RUFY1: variants seen among roughly 807,000 people sequenced by gnomAD.
RUFY1 encodes the protein RUN and FYVE domain-containing protein 1.
In RUFY1, 54 loss-of-function variants were observed where a neutral mutation model predicts 94.6. The ratio of observed to expected loss-of-function variants is 0.57; its 90% CI spans 0.46 to 0.72. The LOEUF is 0.72. Among genes scored for constraint, RUFY1 ranks in the 30% least tolerant of loss-of-function variants. The probability of loss-of-function intolerance (pLI) is 0.00; values close to 1 mark genes in which losing one functional copy is unlikely to be tolerated. For synonymous variants in RUFY1, 396 were observed against 347.3 expected (o/e 1.14, Z -1.56); for missense variants, 883 against 883.9 (o/e 1.00, Z 0.01).
At chr5:179,598,913 G>T in intron 14 of RUFY1, 92 bp downstream of exon 14, 1 of 1,461,548 alleles carries the variant, frequency 6.8e-7, no homozygotes, top group Non-Finnish European at 9.4e-7. Context: ...CGCACCCTTT[G>T]TGTGGGGGCC....
chr5:179,557,859 ATTAC>A (rs1762184641), intron 1 of RUFY1, among the ~76,000 whole-genome samples: 4 of 152,058 alleles, frequency 2.6e-5, no homozygotes, highest in Admixed American at 2.0e-4. Context: ...CATGTTTTTG[ATTAC>A]TTAATCATCA....
chr5:179,561,640 A>G lies in RUFY1; in HGVS notation c.485-907A>G, dbSNP rs546004210. Among the ~76,000 whole-genome samples, 6 of 150,166 alleles carry G rather than the reference A, an allele frequency of 4.0e-5. No homozygotes were observed. In the East Asian group the frequency reaches 7.8e-4, roughly 20 times the overall value. The stretch of plus-strand genomic sequence containing the variant: ...AAGGAAAAAAAGGGGGAAGAATTTC[A>G]TAGTAGATGAGCCTATAAGGCAACT... On this transcript the variant is annotated intron_variant, in intron 2 of 17. Transcript: ENST00000319449.
chr5:179,580,241 G>GTGTGTA (rs149099074), intron 6 of RUFY1, among the ~76,000 whole-genome samples: 8 of 93,884 alleles, frequency 8.5e-5, no homozygotes, highest in African/African-American at 2.5e-4. Context: ...GTGTGTGTGT[G>GTGTGTA]TATATTTTTT....
chr5:179,597,243 G>GT lies in RUFY1; in HGVS notation c.1631+572dup, dbSNP rs1554123619. Among the ~76,000 whole-genome samples, 1,169 of 145,740 alleles carry GT rather than the reference G, an allele frequency of 8.0e-3. 13 individuals carry two copies. The highest frequency in any genetic ancestry group is 0.024 in the African/African-American group (940 of 39,472). On this transcript the variant is annotated intron_variant, in intron 13 of 17. Coordinates refer to ENST00000319449, the MANE Select transcript of RUFY1 (RefSeq NM_025158.5). The stretch of plus-strand genomic sequence containing the variant: ...AATTTTTGTGTTTGTGTTTTGTTTT[G>GT]TTTTTTTTTTGAGACCGAGTCTCAC...
In RUFY1 at chr5:179,596,051, C is replaced by A. The variant is rs74496050; in HGVS notation, c.1512-511C>A. Reference sequence around the variant, plus strand: ...CCAAAACTAGTACATATGTTTATAGCAGCTCCGTTCATAACTGCCAAAAGC... The same window carrying A: ...CCAAAACTAGTACATATGTTTATAGAAGCTCCGTTCATAACTGCCAAAAGC... On this transcript the variant is annotated intron_variant, in intron 12 of 17. Transcript: ENST00000319449. The A allele has an allele frequency of 8.9e-3, 1,499 of 168,618 alleles. 51 individuals carry two copies. The highest frequency in any genetic ancestry group is 0.064 in the Admixed American group (1,149 of 17,872). 10.4% of individuals were successfully genotyped at this position (168,618 alleles called of 1,614,324 possible).
intron 6 of RUFY1, among the ~76,000 whole-genome samples, chr5:179,580,528 C>T (rs1384681633): frequency 6.6e-6 from 1 of 150,808 alleles, no homozygotes; most frequent in East Asian, 2.0e-4. Flanking sequence ...AGGCGTGAGC[C>T]ACCACGCCTG....
chr5:179,581,680 ACTTTT>A (rs908540477), intron 7 of RUFY1, among the ~76,000 whole-genome samples: 2 of 144,626 alleles, frequency 1.4e-5, no homozygotes, highest in Non-Finnish European at 3.0e-5. Flanking sequence ...GGCTGTTTTT[ACTTTT>A]CTTTTTTTTT....
intron 1 of RUFY1, among the ~76,000 whole-genome samples, chr5:179,554,543 A>G (rs1561947915): frequency 1.3e-5 from 2 of 152,270 alleles, no homozygotes; most frequent in East Asian, 3.9e-4. Context: ...TCTCAAAAAA[A>G]AAAAGAAAAG....
intron 6 of RUFY1, among the ~76,000 whole-genome samples, chr5:179,577,836 G>GGT (rs1763775281): frequency 7.0e-6 from 1 of 143,762 alleles, no homozygotes; most frequent in African/African-American, 2.6e-5. Context: ...CTGCCGAACG[G>GGT]GTAATGAGGC....
chr5:179,593,362 AGCC>A (rs1220863808), intron 10 of RUFY1, 113 bp from the exon 11 acceptor site: 3 of 1,220,540 alleles, frequency 2.5e-6, no homozygotes, highest in Non-Finnish European at 3.5e-6. Flanking sequence ...TACAGGCATG[AGCC>A]ACCACACCCA....
intron 2 of RUFY1, among the ~76,000 whole-genome samples, chr5:179,562,106 A>T (rs1762503874): frequency 6.6e-6 from 1 of 151,962 alleles, no homozygotes; most frequent in Non-Finnish European, 1.5e-5. Context: ...CCCAGTCCCC[A>T]AGAGTAAATC....
chr5:179,579,648 T>TTTC lies in RUFY1; in HGVS notation c.891-1290_891-1288dup, dbSNP rs1437733052. ...TGCCTGGCCTAACAAAATATACCCT[T>TTTC]TTCTTCTTCTTTTTTTTTTTTTTTT... On this transcript the variant is annotated intron_variant, in intron 6 of 17. Coordinates refer to ENST00000319449, the MANE Select transcript of RUFY1 (RefSeq NM_025158.5). 1.0e-3 allele frequency among the ~76,000 whole-genome samples: 113 copies of TTTC among 113,016 alleles called. 3 individuals carry two copies. Among genetic ancestry groups the TTTC allele is most frequent in the African/African-American group, 3.1e-3 (86 of 27,876 alleles). The allele number at this position is 113,016 out of a possible 152,430, so 74.1% of individuals were successfully genotyped here.
At chr5:179,560,507 C>T (rs894561286) in intron 2 of RUFY1, among the ~76,000 whole-genome samples, 1 of 151,344 alleles carries the variant, frequency 6.6e-6, no homozygotes, top group Non-Finnish European at 1.5e-5. Context: ...ATCACGAGGT[C>T]AGGATATCGA....
chr5:179,576,053 T>C (rs981205271), intron 5 of RUFY1, among the ~76,000 whole-genome samples: 1 of 152,174 alleles, frequency 6.6e-6, no homozygotes, highest in East Asian at 1.9e-4. Flanking sequence ...AGTGCTGAGA[T>C]TACAGGCATG....
chr5:179,605,875 G>A lies in RUFY1; in HGVS notation c.1857-1G>A. On this transcript the variant is annotated splice_acceptor_variant, in intron 15 of 17. Coordinates refer to ENST00000319449, the MANE Select transcript of RUFY1 (RefSeq NM_025158.5). LOFTEE classifies it high-confidence loss of function. Reference sequence around the variant, plus strand: ...TGAAATGGCCTTTTTTTTTTCCTTAGGTCCAAGCTGAAGATGGAAGATATA... The same window carrying A: ...TGAAATGGCCTTTTTTTTTTCCTTAAGTCCAAGCTGAAGATGGAAGATATA... The A allele has an allele frequency of 6.3e-7, 1 of 1,597,250 alleles. No homozygotes were observed. The highest frequency in any genetic ancestry group is 8.5e-7 in the Non-Finnish European group (1 of 1,171,346).
intron 8 of RUFY1, among the ~76,000 whole-genome samples, chr5:179,588,487 T>C (rs1011163375): frequency 6.6e-5 from 10 of 152,194 alleles, no homozygotes; most frequent in Admixed American, 2.0e-4. Context: ...TCTATGCTTT[T>C]CCCTCAGCCA....
chr5:179,591,868 AT>A (rs34184454), intron 10 of RUFY1, 127 bp downstream of exon 10: 11 of 564,592 alleles, frequency 1.9e-5, no homozygotes, highest in African/African-American at 5.8e-5. Flanking sequence ...CATTAAAAAA[AT>A]TTTTTTTAAG....
At chr5:179,574,015 G>A (rs1051479890) in intron 5 of RUFY1, among the ~76,000 whole-genome samples, 1 of 152,066 alleles carries the variant, frequency 6.6e-6, no homozygotes, top group Non-Finnish European at 1.5e-5. Context: ...TATGTTTACT[G>A]TTTGGAATTT....
chr5:179,551,894 G>A (rs570172914), intron 1 of RUFY1, among the ~76,000 whole-genome samples: 145 of 151,634 alleles, frequency 9.6e-4, no homozygotes, highest in African/African-American at 3.5e-3. Flanking sequence ...GGCCGGGAGC[G>A]GTGGCTCACG....
Sources: gnomAD v4.1 joint callset for allele counts (sites outside exome capture counted in the v4.1 genomes callset) on GRCh38, gnomAD v4.1.1 for gene constraint, MANE v1.5 for transcripts, NCBI Gene and HGNC (gene_info 2026-07-23, HGNC 2026-07-21) for gene names.